Variants in GBE1 observed in about 807,000 individuals in gnomAD.
The protein encoded by GBE1 is 1,4-alpha-glucan branching enzyme 1, also known as 1,4-alpha-glucan-branching enzyme.
A neutral mutation model predicts 88.8 loss-of-function variants in GBE1; 70 were observed. The observed-to-expected ratio is 0.79, with a 90% CI of 0.65 to 0.96. The LOEUF is 0.96. Among genes scored for constraint, GBE1 ranks in the 40% least tolerant of loss-of-function variants. The probability of loss-of-function intolerance (pLI) is 0.00; values close to 1 mark genes in which losing one functional copy is unlikely to be tolerated. For missense variants in GBE1, 872 were observed against 871.0 expected, an observed-to-expected ratio of 1.00 and a Z score of -0.01; for synonymous variants, 284 against 300.1, an observed-to-expected ratio of 0.95 and a Z score of 0.56.
At chr3:81,548,061 G>A (rs1703231434) in intron 12 of GBE1, among the ~76,000 whole-genome samples, 1 of 151,346 alleles carries the variant, frequency 6.6e-6, no homozygotes, top group Admixed American at 6.6e-5. Context: ...TTCAATTCCT[G>A]GCTTAGGAAA....
At chr3:81,578,260 A>T (rs1034818763) in intron 11 of GBE1, among the ~76,000 whole-genome samples, 164 bp from the exon 12 acceptor site, 2 of 152,136 alleles carry the variant, frequency 1.3e-5, no homozygotes, top group Admixed American at 6.6e-5. Context: ...TTCTAGGCTC[A>T]AGGCAAGCTG....
chr3:81,701,058 T>C (rs1008401008), intron 2 of GBE1, among the ~76,000 whole-genome samples: 1 of 152,156 alleles, frequency 6.6e-6, no homozygotes, highest in Non-Finnish European at 1.5e-5. Context: ...GAACCAAAAC[T>C]CCAAGTGTAT....
intron 7 of GBE1, among the ~76,000 whole-genome samples, chr3:81,598,283 T>A (rs1216530550): frequency 2.0e-5 from 3 of 152,128 alleles, no homozygotes; most frequent in Non-Finnish European, 4.4e-5. Flanking sequence ...CATAGGCTTT[T>A]AGGCTGAATG....
intron 15 of GBE1, among the ~76,000 whole-genome samples, chr3:81,493,431 T>C (rs1702462290): frequency 6.6e-6 from 1 of 152,156 alleles, no homozygotes; most frequent in South Asian, 2.1e-4. Context: ...CATTATTTCA[T>C]TAATGAAATA....
At chr3:81,643,749 C>T (rs958917899) in intron 6 of GBE1, among the ~76,000 whole-genome samples, 3 of 152,158 alleles carry the variant, frequency 2.0e-5, no homozygotes, top group African/African-American at 7.2e-5. Flanking sequence ...TCAGGCTCCT[C>T]ATGATATGGT....
intron 12 of GBE1, among the ~76,000 whole-genome samples, chr3:81,558,837 A>G (rs1363327231): frequency 6.6e-6 from 1 of 152,114 alleles, no homozygotes; most frequent in African/African-American, 2.4e-5. Flanking sequence ...AAATGAACAG[A>G]TGTCCTTGTC....
intron 8 of GBE1, among the ~76,000 whole-genome samples, chr3:81,593,391 T>TAATAATAATAATAATAAC (rs1703907938): frequency 6.7e-6 from 1 of 148,990 alleles, no homozygotes; most frequent in Non-Finnish European, 1.5e-5. Flanking sequence ...ATAATAATAA[T>TAATAATAATAATAATAAC]AATAATAATT....
intron 7 of GBE1, among the ~76,000 whole-genome samples, chr3:81,606,932 G>C (rs145626631): frequency 2.0e-5 from 3 of 152,102 alleles, no homozygotes; most frequent in Admixed American, 6.6e-5. Context: ...CAGATGTCAC[G>C]TTTATTTAGT....
intron 12 of GBE1, among the ~76,000 whole-genome samples, chr3:81,565,082 T>C (rs548245895): frequency 1.5e-3 from 228 of 152,282 alleles, no homozygotes; most frequent in African/African-American, 5.3e-3. Flanking sequence ...TGGTTAACAG[T>C]GTGCTGTGAA....
intron 13 of GBE1, among the ~76,000 whole-genome samples, chr3:81,535,702 T>C (rs1161908628): frequency 1.3e-5 from 2 of 152,120 alleles, no homozygotes; most frequent in African/African-American, 4.8e-5. Flanking sequence ...TTAATGCGGT[T>C]AGGTACATAA....
chr3:81,547,625 T>TTCTCTCTCTCTCTCTCTC (rs56681369), intron 12 of GBE1, among the ~76,000 whole-genome samples: 13 of 138,378 alleles, frequency 9.4e-5, no homozygotes, highest in African/African-American at 2.6e-4. Context: ...GGTTCGTTTG[T>TTCTCTCTCTCTCTCTCTC]TCTCTCTCTC....
At chr3:81,535,812 T>C (rs1703066752) in intron 13 of GBE1, among the ~76,000 whole-genome samples, 1 of 152,070 alleles carries the variant, frequency 6.6e-6, no homozygotes, top group Non-Finnish European at 1.5e-5. Context: ...CTTTGTCAGA[T>C]TCAATGGCAA....
In GBE1 at chr3:81,710,251, T is replaced by TTTTTTTC; in HGVS notation, c.144-4639_144-4638insGAAAAAA. Among the ~76,000 whole-genome samples the TTTTTTTC allele has an allele frequency of 2.1e-5, 3 of 142,140 alleles. 1 individual carries two copies. Among genetic ancestry groups the TTTTTTTC allele is most frequent in the Non-Finnish European group, 4.6e-5 (3 of 65,740 alleles). 93.2% of individuals were successfully genotyped at this position (142,140 alleles called of 152,430 possible). ...ATTAATCTTTTTTTTTTTTTTTTTT[T>TTTTTTTC]TGAGACGGACTCTCACTCTGTTGCC... On this transcript the variant is annotated intron_variant, in intron 1 of 15. Transcript: ENST00000429644.
chr3:81,754,653 G>C (rs553193467), intron 1 of GBE1, among the ~76,000 whole-genome samples: 1 of 152,158 alleles, frequency 6.6e-6, no homozygotes, highest in East Asian at 1.9e-4. Flanking sequence ...ACAGAATGGA[G>C]AACTCAGATC....
intron 14 of GBE1, among the ~76,000 whole-genome samples, chr3:81,509,986 G>A (rs190752494): frequency 3.4e-4 from 51 of 152,128 alleles, no homozygotes; most frequent in African/African-American, 1.2e-3. Flanking sequence ...TGATTGGTAT[G>A]AGCCTTGAAG....
chr3:81,584,734 G>T (rs1177503203), intron 10 of GBE1, among the ~76,000 whole-genome samples: 4 of 151,390 alleles, frequency 2.6e-5, no homozygotes, highest in Non-Finnish European at 4.4e-5. Flanking sequence ...ATCATACAAT[G>T]TAATAAAATG....
At chr3:81,650,129 A>G (rs1704824163) in intron 3 of GBE1, 1 of 377,358 alleles carries the variant, frequency 2.7e-6, no homozygotes. Context: ...AGTAACTTCC[A>G]GCTTGAACAT....
chr3:81,574,749 G>A (rs954036815), intron 12 of GBE1, among the ~76,000 whole-genome samples: 9 of 152,156 alleles, frequency 5.9e-5, no homozygotes, highest in African/African-American at 1.7e-4. Context: ...GAATGTCTAC[G>A]TAGCATGCCT....
chr3:81,557,892 T>C (rs1426037192), intron 12 of GBE1, among the ~76,000 whole-genome samples: 1 of 151,844 alleles, frequency 6.6e-6, no homozygotes, highest in African/African-American at 2.4e-5. Flanking sequence ...AAGGAGAACC[T>C]GAGGAGTCAA....
Sources: allele counts gnomAD v4.1 joint callset (sites outside exome capture counted in the v4.1 genomes callset), GRCh38; gene constraint gnomAD v4.1.1; transcripts MANE v1.5; gene names NCBI Gene and HGNC (gene_info 2026-07-23, HGNC 2026-07-21).